Variants in NRG1 observed in about 807,000 individuals in gnomAD.
The protein encoded by NRG1 is pro-neuregulin-1, membrane-bound isoform.
NRG1 carries 18 observed loss-of-function variants against 63.8 expected under a neutral mutation model. The ratio of observed to expected loss-of-function variants is 0.28; its 90% confidence interval spans 0.19 to 0.42. NRG1 has a LOEUF of 0.42. NRG1 is among the 10% of genes least tolerant of loss of function. NRG1 has a pLI of 1.00. For synonymous variants in NRG1, 302 were observed against 301.3 expected, an observed-to-expected ratio of 1.00 and a Z score of -0.02; for missense variants, 762 against 814.7, an observed-to-expected ratio of 0.94 and a Z score of 0.79.
intron 1 of NRG1, among the ~76,000 whole-genome samples, chr8:32,296,333 T>C (rs1171705492): frequency 1.3e-5 from 2 of 152,144 alleles, no homozygotes; most frequent in African/African-American, 4.8e-5. Context: ...CTCACGCCTG[T>C]AACCCCAGCC....
intron 1 of NRG1, among the ~76,000 whole-genome samples, chr8:31,680,871 T>C (rs1808265810): frequency 1.3e-5 from 2 of 152,166 alleles, no homozygotes; most frequent in Admixed American, 1.3e-4. Context: ...TGCAAGCTCA[T>C]TCCTGCCCGC....
chr8:32,304,046 G>T (rs533348189), intron 1 of NRG1, among the ~76,000 whole-genome samples: 1 of 152,296 alleles, frequency 6.6e-6, no homozygotes, highest in African/African-American at 2.4e-5. Context: ...AGAATATCAG[G>T]ATTCACTTTT....
rs140450691 is a variant in NRG1 at position 32,503,678 on chromosome 8, A to T, written c.38-92150A>T. Among the ~76,000 whole-genome samples the T allele has an allele frequency of 2.1e-3, 326 of 152,318 alleles. 2 individuals carry two copies. The highest frequency in any genetic ancestry group is 7.5e-3 in the African/African-American group (310 of 41,566). ...TCTTTAATTAAAGAAATAATATTAA[A>T]CTGGTAGTAGCGGTGAATCCATACG... On this transcript the variant is annotated intron_variant, in intron 1 of 10. Transcript: ENST00000519301.
intron 1 of NRG1, among the ~76,000 whole-genome samples, chr8:32,236,774 G>T (rs1847605094): frequency 6.6e-6 from 1 of 152,190 alleles, no homozygotes; most frequent in Non-Finnish European, 1.5e-5. Context: ...AGAAATGTGG[G>T]AATCACAGTT....
intron 1 of NRG1, among the ~76,000 whole-genome samples, chr8:32,020,650 G>C (rs1159643198): frequency 6.6e-6 from 1 of 152,090 alleles, no homozygotes; most frequent in Non-Finnish European, 1.5e-5. Context: ...GCTATTTCAA[G>C]CTTAATTGAA....
intron 5 of NRG1, among the ~76,000 whole-genome samples, chr8:32,706,664 C>T (rs1816511767): frequency 6.6e-6 from 1 of 152,126 alleles, no homozygotes; most frequent in African/African-American, 2.4e-5. Flanking sequence ...ACGTTAGCCT[C>T]TAATTATGAC....
chr8:32,522,870 A>G (rs964404753), intron 1 of NRG1, among the ~76,000 whole-genome samples: 2 of 149,502 alleles, frequency 1.3e-5, no homozygotes, highest in East Asian at 2.0e-4. Context: ...CAGTGGTGCC[A>G]TCATAGCTCA....
In NRG1 at chr8:31,970,707, A is replaced by C. The variant is rs141751077; in HGVS notation, c.37+331276A>C. On this transcript the variant is annotated intron_variant, in intron 1 of 10. Coordinates refer to the NRG1 transcript ENST00000519301. Reference sequence around the variant, plus strand: ...ATCTACTGTCCTGCTCTGCCCTGAAATAGGATGATAGGTAGGACTGCTGTA... The same window carrying C: ...ATCTACTGTCCTGCTCTGCCCTGAACTAGGATGATAGGTAGGACTGCTGTA... 6.4e-3 allele frequency among the ~76,000 whole-genome samples: 975 copies of C among 152,222 alleles called. 13 individuals are homozygous for C. Among genetic ancestry groups the C allele is most frequent in the African/African-American group, 0.022 (913 of 41,538 alleles).
At chr8:32,770,123 C>T (rs561295270), downstream of NRG1, among the ~76,000 whole-genome samples, 3 of 152,054 alleles carry the variant, frequency 2.0e-5, no homozygotes, top group Non-Finnish European at 4.4e-5. Context: ...CTCTGCCCAC[C>T]CCACAGGATG....
chr8:31,914,765 G>T (rs1833239887), intron 1 of NRG1, among the ~76,000 whole-genome samples: 1 of 151,186 alleles, frequency 6.6e-6, no homozygotes, highest in Non-Finnish European at 1.5e-5. Flanking sequence ...GGATTTTCTT[G>T]GTGTATGTTA....
chr8:32,756,069 A>G (rs1589615539), intron 8 of NRG1, among the ~76,000 whole-genome samples: 1 of 152,192 alleles, frequency 6.6e-6, no homozygotes, highest in African/African-American at 2.4e-5. Context: ...TAAGACAAAT[A>G]AGTGTCCATT....
At chr8:32,768,646 C>G (rs776814183), downstream of NRG1, among the ~76,000 whole-genome samples, 18 of 152,186 alleles carry the variant, frequency 1.2e-4, no homozygotes, top group Non-Finnish European at 2.4e-4. Context: ...GAGGGTATTA[C>G]TTTTCTTACT....
chr8:31,865,786 A>C (rs1828903461), intron 1 of NRG1, among the ~76,000 whole-genome samples: 1 of 152,190 alleles, frequency 6.6e-6, no homozygotes, highest in Non-Finnish European at 1.5e-5. Context: ...ATTTCTTCAT[A>C]GTAGCATGAG....
intron 1 of NRG1, among the ~76,000 whole-genome samples, chr8:32,594,787 A>G (rs1431872073): frequency 2.6e-5 from 4 of 152,222 alleles, no homozygotes; most frequent in African/African-American, 9.6e-5. Context: ...GATGCACTAA[A>G]TCCAATCAAA....
chr8:32,007,586 T>TA (rs1477371722), intron 1 of NRG1, among the ~76,000 whole-genome samples: 1 of 152,086 alleles, frequency 6.6e-6, no homozygotes, highest in Non-Finnish European at 1.5e-5. Flanking sequence ...TGAATAGGTG[T>TA]AATTATTCAT....
At chr8:31,963,582 T>G (rs190992122) in intron 1 of NRG1, among the ~76,000 whole-genome samples, 6 of 152,188 alleles carry the variant, frequency 3.9e-5, no homozygotes, top group Admixed American at 2.0e-4. Context: ...TCCACATACG[T>G]GGTGGCTTTC....
At chr8:32,051,973 A>G (rs16878691) in intron 1 of NRG1, among the ~76,000 whole-genome samples, 4,396 of 152,242 alleles carry the variant, frequency 0.029, 200 homozygotes, top group African/African-American at 0.092. Context: ...TTAGCACTGG[A>G]CTTGGTAACT....
chr8:32,234,291 T>C (rs1847305218), intron 1 of NRG1, among the ~76,000 whole-genome samples: 1 of 152,178 alleles, frequency 6.6e-6, no homozygotes, highest in Non-Finnish European at 1.5e-5. Flanking sequence ...AACAGCTCTT[T>C]AGAGCAATGG....
intron 1 of NRG1, among the ~76,000 whole-genome samples, chr8:32,186,075 A>C (rs1208207859): frequency 6.6e-6 from 1 of 152,234 alleles, no homozygotes; most frequent in Non-Finnish European, 1.5e-5. Flanking sequence ...TGTTACCAAA[A>C]GCTGTGACAG....
Sources: gnomAD v4.1 joint callset for allele counts (sites outside exome capture counted in the v4.1 genomes callset) on GRCh38, gnomAD v4.1.1 for gene constraint, MANE v1.5 for transcripts, NCBI Gene and HGNC (gene_info 2026-07-23, HGNC 2026-07-21) for gene names.